Variants in C6orf163 observed in about 807,000 individuals in gnomAD.
C6orf163 encodes uncharacterized protein C6orf163.
In C6orf163, 22 loss-of-function variants were observed where a neutral mutation model predicts 28.4. The observed-to-expected ratio is 0.78, with a 90% CI of 0.55 to 1.11. The LOEUF is 1.11. Among genes scored for constraint, C6orf163 ranks in the 50% least tolerant of loss-of-function variants. The pLI is 0.00. For missense variants in C6orf163, 342 were observed against 389.1 expected, an observed-to-expected ratio of 0.88 and a Z score of 1.02; for synonymous variants, 110 against 123.6, an observed-to-expected ratio of 0.89 and a Z score of 0.73.
intron 1 of C6orf163, among the ~76,000 whole-genome samples, chr6:87,345,766 A>T (rs1181815954): frequency 6.6e-6 from 1 of 152,166 alleles, no homozygotes; most frequent in African/African-American, 2.4e-5. Context: ...TACTAAAAAA[A>T]TTTAAGCAGG....
Position 87,349,075 on chromosome 6 carries a change from A to G in C6orf163, c.243+169A>G, listed in dbSNP as rs564741677. Among the ~76,000 whole-genome samples, 3 of 152,274 alleles carry G rather than the reference A, an allele frequency of 2.0e-5. No homozygotes were observed. In the South Asian group the frequency reaches 6.2e-4, roughly 32 times the overall value. ...CTGTAGTCTTGGTTTCTTCATTGTA[A>G]AAAAGTAATAATAGTACCCATTCTG... On this transcript the variant is annotated intron_variant, in intron 2 of 4. Transcript: ENST00000388923.
chr6:87,346,750 C>T (rs1425815268), intron 1 of C6orf163, among the ~76,000 whole-genome samples: 1 of 152,178 alleles, frequency 6.6e-6, no homozygotes, highest in Non-Finnish European at 1.5e-5. Context: ...ACTAATCTAA[C>T]ACAGAGCCAC....
intron 4 of C6orf163, among the ~76,000 whole-genome samples, chr6:87,363,057 T>C (rs1777601938): frequency 6.6e-6 from 1 of 152,204 alleles, no homozygotes; most frequent in East Asian, 1.9e-4. Flanking sequence ...CTCAATGTCT[T>C]CTTCATAAAA....
At chr6:87,355,029 T>A (rs1001493282) in intron 3 of C6orf163, among the ~76,000 whole-genome samples, 1 of 152,166 alleles carries the variant, frequency 6.6e-6, no homozygotes, top group Admixed American at 6.6e-5. Flanking sequence ...TGGGTAAGAT[T>A]TCATTTAAAG....
chr6:87,365,225 T>C lies in C6orf163; in HGVS notation c.819T>C (p.Asn273=), dbSNP rs1275855887. The change falls in exon 5 of 5, where the codon AAT becomes AAC. Residue 273 remains asparagine (N), a synonymous_variant. Transcript: ENST00000388923. ...SIAKQLGIMT[N]WKDFLEEELQ... ...CAAAACAACTGGGAATCATGACAAA[T>C]TGGAAAGATTTCCTAGAGGAGGAAT... 3.9e-6 allele frequency: 6 copies of C among 1,551,708 alleles called. No homozygotes were observed. Among genetic ancestry groups the C allele is most frequent in the Non-Finnish European group, 5.2e-6 (6 of 1,146,996 alleles).
intron 1 of C6orf163, 113 bp downstream of exon 1, chr6:87,345,360 C>A: frequency 9.4e-7 from 1 of 1,064,862 alleles, no homozygotes; most frequent in Non-Finnish European, 1.3e-6. Flanking sequence ...CTTGTCCCTA[C>A]AGGGATATTT....
At chr6:87,358,529 C>T (rs1005272649) in intron 4 of C6orf163, 1 of 151,988 alleles carries the variant, frequency 6.6e-6, no homozygotes, top group African/African-American at 2.4e-5. Flanking sequence ...ATGGCGTGAA[C>T]CTGGGAGGCG....
At position 87,365,019 on chromosome 6, in the gene C6orf163, A is replaced by C; in HGVS notation, c.613A>C (p.Ser205Arg). The change falls in exon 5 of 5, where the codon AGT becomes CGT. Residue 205 changes from serine (S) to arginine (R), a missense_variant. Ser to Arg is a moderately radical substitution (Grantham distance 110). Coordinates refer to ENST00000388923, the MANE Select transcript of C6orf163 (RefSeq NM_001010868.3). Reference sequence around the variant, plus strand: ...CACAGTTATTAAGGATGAGAAGACCAGTGTGGCCCGACTGATGAGGGAAAA... The same window carrying C: ...CACAGTTATTAAGGATGAGAAGACCCGTGTGGCCCGACTGATGAGGGAAAA... ...GVTVIKDEKT[S>R]VARLMREKEH... The C allele has an allele frequency of 6.4e-7, 1 of 1,551,728 alleles. No homozygotes were observed. Among genetic ancestry groups the C allele is most frequent in the Non-Finnish European group, 8.7e-7 (1 of 1,146,966 alleles).
intron 4 of C6orf163, among the ~76,000 whole-genome samples, chr6:87,363,411 A>G (rs1388517148): frequency 6.6e-6 from 1 of 151,532 alleles, no homozygotes; most frequent in Non-Finnish European, 1.5e-5. Context: ...TTTGTTACAT[A>G]TGTATACATG....
chr6:87,356,304 G>T lies in C6orf163; in HGVS notation c.355G>T (p.Val119Leu). 6.4e-7 allele frequency: 1 copy of T among 1,551,624 alleles called. No homozygotes were observed. The highest frequency in any genetic ancestry group is 8.7e-7 in the Non-Finnish European group (1 of 1,146,922). Residue 119 changes from valine (V) to leucine (L), a missense_variant, in exon 4 of 5, where the codon GTG becomes TTG. By Grantham distance (32) the Val-to-Leu change is conservative (BLOSUM62 1). Transcript: ENST00000388923. ...KEEHQKDLQE[V>L]TAKTKTEMYQ... ...CCTAGTTTTGCCATTGCTTCAGGAAGTGACAGCTAAAACTAAGACAGAGAT... is the reference window on the plus strand; with the variant it reads ...CCTAGTTTTGCCATTGCTTCAGGAATTGACAGCTAAAACTAAGACAGAGAT...
chr6:87,346,049 TA>T (rs1777318558), intron 1 of C6orf163, among the ~76,000 whole-genome samples: 1 of 151,340 alleles, frequency 6.6e-6, no homozygotes, highest in Non-Finnish European at 1.5e-5. Context: ...TTACTGTACA[TA>T]CGTATGTATA....
At chr6:87,354,365 A>G (rs913937741) in intron 3 of C6orf163, among the ~76,000 whole-genome samples, 1 of 152,234 alleles carries the variant, frequency 6.6e-6, no homozygotes, top group Admixed American at 6.5e-5. Context: ...GGAGTCATTT[A>G]TGACAGATAC....
rs545648799 is a variant in C6orf163, at chr6:87,354,259, G to T, written c.352-2042G>T. 1.1e-4 allele frequency among the ~76,000 whole-genome samples: 16 copies of T among 152,326 alleles called. 2 individuals are homozygous for T. The highest frequency in any genetic ancestry group is 1.0e-3 in the Admixed American group (16 of 15,308). On this transcript the variant is annotated intron_variant, in intron 3 of 4. Transcript: ENST00000388923. ...GAAGCTACAGCAGCATCCTCAGCCT[G>T]ATGGCAAGTAATTTTCTTGTTCTTT...
intron 3 of C6orf163, among the ~76,000 whole-genome samples, chr6:87,355,883 T>A (rs1739886): frequency 6.6e-6 from 1 of 151,848 alleles, no homozygotes. Flanking sequence ...CTTAGTTCCC[T>A]CCTACCCAGG....
intron 4 of C6orf163, among the ~76,000 whole-genome samples, chr6:87,361,810 C>T (rs1328127696): frequency 6.6e-6 from 1 of 152,166 alleles, no homozygotes; most frequent in Non-Finnish European, 1.5e-5. Context: ...GTCACAGATT[C>T]TGGCAGCTAT....
At chr6:87,352,935 A>T (rs1051705481) in intron 3 of C6orf163, among the ~76,000 whole-genome samples, 1 of 152,162 alleles carries the variant, frequency 6.6e-6, no homozygotes, top group African/African-American at 2.4e-5. Context: ...CCATGAATCT[A>T]TTTCTTACAA....
In C6orf163 at chr6:87,365,175, A is replaced by T; in HGVS notation, c.769A>T (p.Thr257Ser). Residue 257 changes from threonine to serine, a missense_variant, in exon 5 of 5, where the codon ACC becomes TCC. Coordinates refer to ENST00000388923, the MANE Select transcript of C6orf163 (RefSeq NM_001010868.3). ...LGNMMDKLANTQGELLSIAKQ... is the reference protein window; with the variant it reads ...LGNMMDKLANSQGELLSIAKQ... Reference sequence around the variant, plus strand: ...CAATATGATGGATAAACTGGCTAACACCCAGGGGGAGCTGCTGTCTATAGC... The same window carrying T: ...CAATATGATGGATAAACTGGCTAACTCCCAGGGGGAGCTGCTGTCTATAGC... The T allele has an allele frequency of 1.9e-6, 3 of 1,551,866 alleles. No individual in the cohort carries two copies. Among genetic ancestry groups the T allele is most frequent in the Non-Finnish European group, 2.6e-6 (3 of 1,147,016 alleles).
intron 3 of C6orf163, among the ~76,000 whole-genome samples, chr6:87,353,435 T>C (rs899793705): frequency 6.6e-6 from 1 of 151,086 alleles, no homozygotes; most frequent in Non-Finnish European, 1.5e-5. Context: ...ACCACAAAAA[T>C]TGAAAATTAA....
In C6orf163 at chr6:87,347,603, C is replaced by T. The variant is rs143400690; in HGVS notation, c.149-1209C>T. On this transcript the variant is annotated intron_variant, in intron 1 of 4. Coordinates refer to ENST00000388923, the MANE Select transcript of C6orf163 (RefSeq NM_001010868.3). The stretch of plus-strand genomic sequence containing the variant: ...TTCGCTGATGAACTAGTAGGAGACT[C>T]TGTGCCGCCAAACATATACTTTTAA... 303 of 985,258 alleles carry T rather than the reference C, an allele frequency of 3.1e-4. 1 individual carries two copies. In the African/African-American group the frequency reaches 5.1e-3, roughly 16 times the overall value. The allele number at this position is 985,258 out of a possible 1,614,324, so 61.0% of individuals were successfully genotyped here.
Sources: allele counts gnomAD v4.1 joint callset (sites outside exome capture counted in the v4.1 genomes callset), GRCh38; gene constraint gnomAD v4.1.1; transcripts MANE v1.5; gene names NCBI Gene and HGNC (gene_info 2026-07-23, HGNC 2026-07-21).